The following RRAGC variants were observed in gnomAD, a reference collection of about 807,000 sequenced individuals.
The protein encoded by RRAGC is ras-related GTP-binding protein C.
A neutral mutation model predicts 37.1 loss-of-function variants in RRAGC; 8 were observed. The observed-to-expected ratio is 0.22, with a 90% confidence interval of 0.13 to 0.39. The LOEUF (loss-of-function observed/expected upper bound fraction) is 0.39, where lower values mean the gene tolerates loss of function less well. Among genes scored for constraint, RRAGC ranks in the 10% least tolerant of loss-of-function variants. The pLI, the probability that RRAGC is intolerant of heterozygous loss-of-function variation, is 1.00. For missense variants in RRAGC, 342 were observed against 497.6 expected (o/e 0.69, Z 2.98); for synonymous variants, 190 against 181.1 (o/e 1.05, Z -0.39).
At chr1:38,858,561 G>A (rs991608997) in intron 1 of RRAGC, among the ~76,000 whole-genome samples, 2 of 152,346 alleles carry the variant, frequency 1.3e-5, no homozygotes, top group East Asian at 1.9e-4. Context: ...AGCCGGGCGT[G>A]GTGGCGCGCG....
At chr1:38,859,167 G>GGGCACCTGCCTCCC (rs1642203277) in intron 1 of RRAGC, among the ~76,000 whole-genome samples, 1 of 152,228 alleles carries the variant, frequency 6.6e-6, no homozygotes, top group South Asian at 2.1e-4. Flanking sequence ...CGGTGCCACC[G>GGGCACCTGCCTCCC]GGCACCTGCC....
Position 38,855,916 on chromosome 1 carries a change from C to A in RRAGC, c.442-9G>T, listed in dbSNP as rs1642161934. ...GCCTCCATGTAGTCATCCTGTAAGT[C>A]AGAACAAAATATTTTTTAAAATAAA... On this transcript the variant is annotated splice_polypyrimidine_tract_variant and intron_variant, in intron 2 of 6. Coordinates refer to ENST00000373001, the MANE Select transcript of RRAGC (RefSeq NM_022157.4). 1.3e-6 allele frequency: 2 copies of A among 1,594,550 alleles called. No individual in the cohort carries two copies. The highest frequency in any genetic ancestry group is 2.2e-5 in the South Asian group (2 of 89,032).
intron 5 of RRAGC, among the ~76,000 whole-genome samples, chr1:38,849,106 A>G (rs973923547): frequency 6.6e-6 from 1 of 152,020 alleles, no homozygotes; most frequent in African/African-American, 2.4e-5. Context: ...GTCTCAAAAA[A>G]AAAAAAGAAA....
intron 6 of RRAGC, 120 bp downstream of exon 6, chr1:38,845,819 C>T: frequency 1.3e-6 from 1 of 786,442 alleles, no homozygotes. Context: ...GCAGTTTGAG[C>T]TTTTTTTTTC....
At chr1:38,857,596 G>T (rs1642183036) in intron 1 of RRAGC, among the ~76,000 whole-genome samples, 1 of 152,214 alleles carries the variant, frequency 6.6e-6, no homozygotes, top group Non-Finnish European at 1.5e-5. Context: ...CGTCCAGGGG[G>T]AGGCCACGGG....
In RRAGC at chr1:38,856,831, T is replaced by C. The variant is rs12066050; in HGVS notation, c.441+48A>G. On this transcript the variant is annotated intron_variant, in intron 2 of 6. Transcript: ENST00000373001. ...AAGATAAACAACTTTCCTTTGTTTC[T>C]ACATCTTTTTCCCACCAGGAAAGAG... The C allele has an allele frequency of 3.6e-4, 569 of 1,561,374 alleles. 2 individuals are homozygous for C. The African/African-American group carries it at 6.7e-3, about 18-fold the overall frequency.
In RRAGC at chr1:38,838,381, C is replaced by T. The variant is rs753331944; in HGVS notation, c.*1172G>A. ...TTTACAGACCTGAATATACATATTG[C>T]ATTAAACAGTGGCACTTATGTACTC... On this transcript the variant is annotated 3_prime_UTR_variant, in exon 7 of 7. Coordinates refer to ENST00000373001, the MANE Select transcript of RRAGC (RefSeq NM_022157.4). 2 of 152,184 alleles carry T rather than the reference C, an allele frequency of 1.3e-5. No individual in the cohort carries two copies. The highest frequency in any genetic ancestry group is 4.8e-5 in the African/African-American group (2 of 41,438). The allele number at this position is 152,184 out of a possible 1,614,324, so 9.4% of individuals were successfully genotyped here. A position where few individuals can be genotyped will look rare whatever the true frequency, so the allele number is the denominator to read the frequency against.
intron 6 of RRAGC, among the ~76,000 whole-genome samples, chr1:38,842,068 C>T (rs1161078904): frequency 6.6e-6 from 1 of 152,018 alleles, no homozygotes; most frequent in Non-Finnish European, 1.5e-5. Context: ...GTCAGGAGAT[C>T]GAGACCATCC....
At chr1:38,846,770 T>C (rs1482446026) in intron 5 of RRAGC, 1 of 152,160 alleles carries the variant, frequency 6.6e-6, no homozygotes, top group Non-Finnish European at 1.5e-5. Context: ...TTAAAAGTAT[T>C]TGCCTTCAAA....
intron 5 of RRAGC, among the ~76,000 whole-genome samples, chr1:38,849,613 G>C (rs189423592): frequency 6.6e-6 from 1 of 151,890 alleles, no homozygotes; most frequent in African/African-American, 2.4e-5. Context: ...GCTTGAATCC[G>C]GGAGGCAGAG....
At chr1:38,857,239 C>T (rs1642178474) in intron 1 of RRAGC, among the ~76,000 whole-genome samples, 157 bp from the exon 2 acceptor site, 1 of 152,028 alleles carries the variant, frequency 6.6e-6, no homozygotes. Context: ...TTCACTATCC[C>T]TTTATTTTTG....
At chr1:38,847,212 A>G (rs990731373) in intron 5 of RRAGC, 1 of 152,220 alleles carries the variant, frequency 6.6e-6, no homozygotes, top group African/African-American at 2.4e-5. Flanking sequence ...TCACTTTTCT[A>G]TATTTTCCAT....
At chr1:38,841,571 C>T (rs1641963276) in intron 6 of RRAGC, among the ~76,000 whole-genome samples, 1 of 151,712 alleles carries the variant, frequency 6.6e-6, no homozygotes, top group African/African-American at 2.4e-5. Context: ...TGCTATCTTG[C>T]CCAAGCTGGT....
intron 3 of RRAGC, among the ~76,000 whole-genome samples, chr1:38,855,148 G>A (rs1314016179): frequency 6.6e-6 from 1 of 152,120 alleles, no homozygotes; most frequent in African/African-American, 2.4e-5. Context: ...ACTTTATAGA[G>A]TTTCATAAAA....
chr1:38,840,540 A>G (rs1280451123), intron 6 of RRAGC, among the ~76,000 whole-genome samples: 4 of 152,246 alleles, frequency 2.6e-5, no homozygotes, highest in Non-Finnish European at 5.9e-5. Flanking sequence ...ATTGACTACA[A>G]CTGTGAAGGA....
At position 38,851,626 on chromosome 1, in the gene RRAGC, A is replaced by C; in HGVS notation, c.888T>G (p.Ser296=). ...TATACATAACTTACCCATATATACAAGACACATCAATTACAACATCGATCA... is the reference window on the plus strand; with the variant it reads ...TATACATAACTTACCCATATATACACGACACATCAATTACAACATCGATCA... ...CDMIDVVIDV[S]CIYGLKEDGS... The change falls in exon 5 of 7, where the codon TCT becomes TCG. Residue 296 remains serine, a synonymous_variant. Coordinates refer to ENST00000373001, the MANE Select transcript of RRAGC (RefSeq NM_022157.4). The C allele has an allele frequency of 6.4e-7, 1 of 1,557,624 alleles. No homozygotes were observed. The highest frequency in any genetic ancestry group is 8.6e-7 in the Non-Finnish European group (1 of 1,159,482).
chr1:38,850,234 G>C (rs1642082464), intron 5 of RRAGC, among the ~76,000 whole-genome samples: 1 of 151,526 alleles, frequency 6.6e-6, no homozygotes, highest in East Asian at 1.9e-4. Context: ...AAAAAGGCCA[G>C]GTGCGGTGGC....
At position 38,838,855 on chromosome 1, in the gene RRAGC, G is replaced by A. The variant is rs894823918; in HGVS notation, c.*698C>T. On this transcript the variant is annotated 3_prime_UTR_variant, in exon 7 of 7. Transcript: ENST00000373001. ...GATCATTTATCTAATGCAGAAGAAA[G>A]AACCCAGACATCTGGTACTCAGAAC... is the stretch of plus-strand genomic sequence containing the variant. The A allele has an allele frequency of 6.6e-6, 1 of 152,022 alleles. No homozygotes were observed. Among genetic ancestry groups the A allele is most frequent in the Non-Finnish European group, 1.5e-5 (1 of 67,964 alleles). 9.4% of individuals were successfully genotyped at this position (152,022 alleles called of 1,614,324 possible).
intron 1 of RRAGC, among the ~76,000 whole-genome samples, chr1:38,858,413 G>A (rs568322394): frequency 6.6e-6 from 1 of 152,250 alleles, no homozygotes; most frequent in South Asian, 2.1e-4. Context: ...TCACTAAACA[G>A]TGTAGGCCAG....
Sources: gnomAD v4.1 joint callset for allele counts (sites outside exome capture counted in the v4.1 genomes callset) on GRCh38, gnomAD v4.1.1 for gene constraint, MANE v1.5 for transcripts, NCBI Gene and HGNC (gene_info 2026-07-23, HGNC 2026-07-21) for gene names.